The following LNPK variants were observed in gnomAD, a reference collection of about 807,000 sequenced individuals.
LNPK encodes endoplasmic reticulum junction formation protein lunapark.
A neutral mutation model predicts 55.2 loss-of-function variants in LNPK; 29 were observed. The ratio of observed to expected loss-of-function variants is 0.53; its 90% CI spans 0.39 to 0.72. The LOEUF is 0.72. Among genes scored for constraint, LNPK ranks in the 30% least tolerant of loss-of-function variants. The pLI is 0.00. For synonymous variants in LNPK, 162 were observed against 168.2 expected (o/e 0.96, Z 0.29); for missense variants, 467 against 494.8 (o/e 0.94, Z 0.53).
At chr2:175,985,526 T>C (rs968688096) in intron 4 of LNPK, among the ~76,000 whole-genome samples, 4 of 152,222 alleles carry the variant, frequency 2.6e-5, no homozygotes, top group Non-Finnish European at 4.4e-5. Context: ...GGTCAGTTAT[T>C]TATAGGTCGT....
chr2:175,975,008 TTA>T (rs1355618989), intron 5 of LNPK, among the ~76,000 whole-genome samples: 4 of 119,602 alleles, frequency 3.3e-5, no homozygotes, highest in Non-Finnish European at 7.3e-5. Context: ...AAAAGGTTTC[TTA>T]TTTTTTTTTT....
intron 8 of LNPK, among the ~76,000 whole-genome samples, chr2:175,961,926 C>T (rs1327419111): frequency 6.6e-6 from 1 of 152,056 alleles, no homozygotes; most frequent in African/African-American, 2.4e-5. Flanking sequence ...AACAGAGAAC[C>T]AAATCATGAG....
In LNPK at chr2:175,929,544, TAATA is replaced by T; in HGVS notation, c.*419_*422del. On this transcript the variant is annotated 3_prime_UTR_variant, in exon 13 of 13. Transcript: ENST00000272748. ...CAGGAGCTAAAATTCTATCAATTTT[TAATA>T]ATGAAGTAGTCAAAATCTTAACCAA... The T allele has an allele frequency of 1.0e-6, 1 of 992,654 alleles. No homozygotes were observed. The highest frequency in any genetic ancestry group is 1.2e-6 in the Non-Finnish European group (1 of 833,982). 61.5% of individuals were successfully genotyped at this position (992,654 alleles called of 1,614,324 possible).
intron 5 of LNPK, among the ~76,000 whole-genome samples, chr2:175,972,538 A>G (rs1303644778): frequency 2.6e-5 from 4 of 152,178 alleles, no homozygotes; most frequent in South Asian, 2.1e-4. Context: ...TTTTTGTAAT[A>G]TAAGTCTACC....
chr2:175,965,427 C>T (rs181804170), intron 6 of LNPK, among the ~76,000 whole-genome samples: 1 of 152,244 alleles, frequency 6.6e-6, no homozygotes, highest in East Asian at 1.9e-4. Context: ...ATAGTAATGA[C>T]AAATTACCTA....
intron 10 of LNPK, chr2:175,938,796 C>T (rs1377606099): frequency 1.3e-5 from 2 of 153,010 alleles, no homozygotes; most frequent in African/African-American, 4.8e-5. Flanking sequence ...TTATTAAAAC[C>T]TGAGATGTCT....
chr2:175,989,008 C>G (rs1167600852), intron 4 of LNPK, among the ~76,000 whole-genome samples: 1 of 152,186 alleles, frequency 6.6e-6, no homozygotes, highest in Non-Finnish European at 1.5e-5. Context: ...ATCTCCTGAT[C>G]TCGTGATCCG....
intron 1 of LNPK, among the ~76,000 whole-genome samples, chr2:175,999,961 TCCCC>T (rs1688101488): frequency 1.3e-5 from 2 of 152,176 alleles, no homozygotes; most frequent in Non-Finnish European, 2.9e-5. Context: ...AGACGGGGTT[TCCCC>T]ATGTTGCCCA....
intron 4 of LNPK, among the ~76,000 whole-genome samples, chr2:175,987,028 A>C (rs1307640277): frequency 6.6e-6 from 1 of 152,126 alleles, no homozygotes; most frequent in African/African-American, 2.4e-5. Flanking sequence ...TGCTATTTAC[A>C]GATTATATGA....
rs1407548776 is a variant in LNPK, at chr2:175,940,391, T to TACTG, written c.707-738_707-735dup. Among the ~76,000 whole-genome samples the TACTG allele has an allele frequency of 5.9e-5, 9 of 151,574 alleles. No homozygotes were observed. In the East Asian group the frequency reaches 1.8e-3, roughly 30 times the overall value. ...GGGTCTACTGGAGAATTCAGCAGAGTACTGACTGGTGCATGCATGTGAGAA... is the reference window on the plus strand; with the variant it reads ...GGGTCTACTGGAGAATTCAGCAGAGTACTGACTGACTGGTGCATGCATGTGAGAA... On this transcript the variant is annotated intron_variant, in intron 9 of 12. Transcript: ENST00000272748.
intron 4 of LNPK, among the ~76,000 whole-genome samples, chr2:175,989,189 T>C (rs748218331): frequency 1.3e-5 from 2 of 152,212 alleles, no homozygotes; most frequent in Non-Finnish European, 2.9e-5. Flanking sequence ...TAACATGTGC[T>C]ACTTGTGGGG....
intron 12 of LNPK, among the ~76,000 whole-genome samples, chr2:175,933,629 T>C (rs1203087230): frequency 6.6e-6 from 1 of 152,036 alleles, no homozygotes; most frequent in African/African-American, 2.4e-5. Flanking sequence ...TAAATAAAAT[T>C]CAATTAAATT....
At chr2:175,977,646 A>T (rs988735330) in intron 5 of LNPK, among the ~76,000 whole-genome samples, 1 of 152,242 alleles carries the variant, frequency 6.6e-6, no homozygotes, top group African/African-American at 2.4e-5. Context: ...TTGACAAGAC[A>T]TAGATAATGA....
At chr2:175,988,711 T>G (rs1046880855) in intron 4 of LNPK, among the ~76,000 whole-genome samples, 1 of 152,168 alleles carries the variant, frequency 6.6e-6, no homozygotes, top group African/African-American at 2.4e-5. Context: ...TTTTGTTTTT[T>G]GGGGCATACA....
intron 12 of LNPK, among the ~76,000 whole-genome samples, chr2:175,936,963 A>G (rs931533942): frequency 2.0e-5 from 3 of 152,200 alleles, no homozygotes; most frequent in Non-Finnish European, 4.4e-5. Flanking sequence ...TATTTTATCA[A>G]TATTAATCAC....
chr2:175,958,648 C>T (rs1286227499), intron 8 of LNPK, among the ~76,000 whole-genome samples: 1 of 152,098 alleles, frequency 6.6e-6, no homozygotes, highest in Non-Finnish European at 1.5e-5. Flanking sequence ...TTCTAAAAAC[C>T]AGAGCACCTC....
intron 1 of LNPK, among the ~76,000 whole-genome samples, chr2:175,996,377 T>C (rs909106401): frequency 1.3e-5 from 2 of 152,190 alleles, no homozygotes; most frequent in Admixed American, 6.5e-5. Context: ...TTTTACAATG[T>C]TTAGAATATC....
rs1683970704 is a variant in LNPK at position 175,925,514 on chromosome 2, T to C, written c.*4453A>G. 1 of 152,196 alleles carries C rather than the reference T, an allele frequency of 6.6e-6. No individual in the cohort carries two copies. Among genetic ancestry groups the C allele is most frequent in the Non-Finnish European group, 1.5e-5 (1 of 68,076 alleles). The allele number at this position is 152,196 out of a possible 1,614,324, so 9.4% of individuals were successfully genotyped here. A position where few individuals can be genotyped will look rare whatever the true frequency, so the allele number is the denominator to read the frequency against. ...TGTGTGTGGCAGGGGGAGGTGGCAG[T>C]GGCTGTAGTTGTGGTGCAGATGCCA... On this transcript the variant is annotated 3_prime_UTR_variant, in exon 13 of 13. Coordinates refer to ENST00000272748, the MANE Select transcript of LNPK (RefSeq NM_030650.3).
Position 175,929,695 on chromosome 2 carries a change from C to G in LNPK, c.*272G>C. 8.0e-7 allele frequency: 1 copy of G among 1,251,256 alleles called. No individual in the cohort carries two copies. Among genetic ancestry groups the G allele is most frequent in the Non-Finnish European group, 1.0e-6 (1 of 996,550 alleles). 77.5% of individuals were successfully genotyped at this position (1,251,256 alleles called of 1,614,324 possible). On this transcript the variant is annotated 3_prime_UTR_variant, in exon 13 of 13. Transcript: ENST00000272748. ...ACAAGAAGGCAATCATGTTTGCTTA[C>G]TTTTAGAATGGACAAAAAAGTATCT...
Sources: allele counts gnomAD v4.1 joint callset (sites outside exome capture counted in the v4.1 genomes callset), GRCh38; gene constraint gnomAD v4.1.1; transcripts MANE v1.5; gene names NCBI Gene and HGNC (gene_info 2026-07-23, HGNC 2026-07-21).